The following RTN1 variants were observed in gnomAD, a reference collection of about 807,000 sequenced individuals.
The protein encoded by RTN1 is reticulon-1.
In RTN1, 25 loss-of-function variants were observed where a neutral mutation model predicts 65.5. The ratio of observed to expected loss-of-function variants is 0.38; its 90% CI spans 0.28 to 0.53. The LOEUF (loss-of-function observed/expected upper bound fraction) is 0.53. Ranked by LOEUF, RTN1 falls within the 20% of genes least tolerant of loss-of-function variation. RTN1 has a pLI of 0.79. For synonymous variants in RTN1, 471 were observed against 447.6 expected (o/e 1.05, Z -0.66); for missense variants, 983 against 1,025.4 (o/e 0.96, Z 0.57).
intron 1 of RTN1, among the ~76,000 whole-genome samples, chr14:59,800,915 T>C (rs1244376299): frequency 4.6e-5 from 7 of 151,956 alleles, no homozygotes; most frequent in Admixed American, 4.6e-4. Flanking sequence ...TTTTTTAATA[T>C]TCTAATGTAA....
At chr14:59,778,374 C>T (rs972000431) in intron 1 of RTN1, among the ~76,000 whole-genome samples, 3 of 152,158 alleles carry the variant, frequency 2.0e-5, no homozygotes, top group African/African-American at 7.2e-5. Flanking sequence ...CCACAAAGTC[C>T]TGTGCTATAG....
chr14:59,838,331 C>T (rs1225009128), intron 1 of RTN1, among the ~76,000 whole-genome samples: 2 of 152,174 alleles, frequency 1.3e-5, no homozygotes, highest in Non-Finnish European at 2.9e-5. Context: ...GCCTGAAGAA[C>T]ATTCACATCT....
intron 1 of RTN1, among the ~76,000 whole-genome samples, chr14:59,770,111 C>T (rs1885924972): frequency 6.6e-6 from 1 of 152,024 alleles, no homozygotes; most frequent in Non-Finnish European, 1.5e-5. Flanking sequence ...GGCGTGGTGG[C>T]TCATGCCTGT....
At chr14:59,771,685 A>C (rs953494190) in intron 1 of RTN1, among the ~76,000 whole-genome samples, 3 of 152,166 alleles carry the variant, frequency 2.0e-5, no homozygotes, top group African/African-American at 7.2e-5. Context: ...ATCCACCATA[A>C]ATTTCAAATA....
intron 1 of RTN1, among the ~76,000 whole-genome samples, chr14:59,842,493 T>A (rs994695782): frequency 2.6e-5 from 4 of 152,098 alleles, no homozygotes; most frequent in African/African-American, 9.7e-5. Context: ...TCCCCAAAGA[T>A]GGACATAGCT....
At chr14:59,698,335 C>A (rs1884106332) in intron 3 of RTN1, among the ~76,000 whole-genome samples, 1 of 152,138 alleles carries the variant, frequency 6.6e-6, no homozygotes, top group South Asian at 2.1e-4. Context: ...TTGATCTTTT[C>A]TAATATTATG....
chr14:59,621,702 A>G (rs1882257792), intron 3 of RTN1, among the ~76,000 whole-genome samples: 1 of 152,232 alleles, frequency 6.6e-6, no homozygotes, highest in African/African-American at 2.4e-5. Flanking sequence ...ATTAAATCCT[A>G]TGTCAAATTT....
At chr14:59,781,779 AT>A (rs1319582632) in intron 1 of RTN1, among the ~76,000 whole-genome samples, 2 of 152,216 alleles carry the variant, frequency 1.3e-5, no homozygotes, top group African/African-American at 4.8e-5. Flanking sequence ...ATTTGATTTG[AT>A]TAAAATTACA....
rs1887467875 is a variant in RTN1 at position 59,849,553 on chromosome 14, AG to A, written c.241+20836del. Among the ~76,000 whole-genome samples the A allele has an allele frequency of 6.6e-6, 1 of 152,146 alleles. No individual in the cohort carries two copies. Among genetic ancestry groups the A allele is most frequent in the Non-Finnish European group, 1.5e-5 (1 of 68,028 alleles). On this transcript the variant is annotated intron_variant, in intron 1 of 8. Transcript: ENST00000267484. This position sits in a 1 kb window ranked among gnomAD's most constrained non-coding sequence, Gnocchi z 4.5. ...TTTTGGAAAATCCCCATACTGAGGA[AG>A]GAACATTTCAGCCCACAGGCCTGAC...
At chr14:59,608,164 AT>A (rs1347873746) in intron 3 of RTN1, among the ~76,000 whole-genome samples, 1 of 152,204 alleles carries the variant, frequency 6.6e-6, no homozygotes. Context: ...ATAAAAAAAA[AT>A]AGCATAAAAC....
At chr14:59,813,136 G>C (rs768849343) in intron 1 of RTN1, among the ~76,000 whole-genome samples, 1 of 152,120 alleles carries the variant, frequency 6.6e-6, no homozygotes, top group African/African-American at 2.4e-5. Context: ...CAAAGTAAGG[G>C]CTTTCTAAAA....
chr14:59,596,575 T>G lies in RTN1; in HGVS notation c.*170A>C, dbSNP rs894644661. ...GTGGTTGACACAAGTGACTCAAATA[T>G]CCTAAGAGTACAAGGAACAGCCTAA... On this transcript the variant is annotated 3_prime_UTR_variant, in exon 9 of 9. Coordinates refer to ENST00000267484, the MANE Select transcript of RTN1 (RefSeq NM_021136.3). 3.4e-6 allele frequency: 2 copies of G among 586,774 alleles called. No homozygotes were observed. The highest frequency in any genetic ancestry group is 3.1e-6 in the Non-Finnish European group (1 of 322,096). The allele number at this position is 586,774 out of a possible 1,614,324, so 36.3% of individuals were successfully genotyped here.
At chr14:59,602,954 G>T in intron 8 of RTN1, 111 bp downstream of exon 8, 1 of 716,580 alleles carries the variant, frequency 1.4e-6, no homozygotes, top group South Asian at 2.2e-5. Context: ...GTAAGTGAAT[G>T]ACCATAAATC....
At chr14:59,631,803 G>C (rs1882560857) in intron 3 of RTN1, among the ~76,000 whole-genome samples, 1 of 152,178 alleles carries the variant, frequency 6.6e-6, no homozygotes, top group Non-Finnish European at 1.5e-5. Context: ...ATGCCCTGGA[G>C]ACCACGGGAG....
At chr14:59,792,339 G>A (rs1189493372) in intron 1 of RTN1, among the ~76,000 whole-genome samples, 1 of 142,076 alleles carries the variant, frequency 7.0e-6, no homozygotes, top group African/African-American at 2.7e-5. Flanking sequence ...AATTCAGTCT[G>A]AGAGAAAAGA....
At chr14:59,806,475 T>C (rs910268176) in intron 1 of RTN1, among the ~76,000 whole-genome samples, 1 of 152,134 alleles carries the variant, frequency 6.6e-6, no homozygotes, top group South Asian at 2.1e-4. Context: ...TTTTTAACTT[T>C]TATTTTAAGG....
At chr14:59,716,093 C>T (rs1017934562) in intron 3 of RTN1, among the ~76,000 whole-genome samples, 1 of 152,144 alleles carries the variant, frequency 6.6e-6, no homozygotes, top group African/African-American at 2.4e-5. Flanking sequence ...GAACTAGCTG[C>T]CTATATTATA....
intron 3 of RTN1, among the ~76,000 whole-genome samples, chr14:59,684,919 T>A (rs1471370207): frequency 6.6e-6 from 1 of 152,052 alleles, no homozygotes; most frequent in African/African-American, 2.4e-5. Context: ...ATCTCTTCAG[T>A]CCTTGTTCTC....
chr14:59,757,370 T>C (rs561849976), intron 1 of RTN1, among the ~76,000 whole-genome samples: 1 of 152,176 alleles, frequency 6.6e-6, no homozygotes, highest in Non-Finnish European at 1.5e-5. Flanking sequence ...ATACGTTTCA[T>C]GAGATCTGAT....
Sources: allele counts gnomAD v4.1 joint callset (sites outside exome capture counted in the v4.1 genomes callset), GRCh38; gene constraint gnomAD v4.1.1; non-coding constraint Gnocchi (gnomAD v3.1); transcripts MANE v1.5; gene names NCBI Gene and HGNC (gene_info 2026-07-23, HGNC 2026-07-21).